The following ZFHX3 variants were observed in gnomAD, a reference collection of about 807,000 sequenced individuals.
ZFHX3 encodes the protein zinc finger homeobox 3.
In ZFHX3, 42 loss-of-function variants were observed where a neutral mutation model predicts 279.1. The observed-to-expected ratio is 0.15, with a 90% confidence interval of 0.12 to 0.19. The LOEUF (loss-of-function observed/expected upper bound fraction) is 0.19. Among genes scored for constraint, ZFHX3 ranks in the 10% least tolerant of loss-of-function variants. The pLI is 1.00. For synonymous variants in ZFHX3, 2,293 were observed against 1,957.8 expected (o/e 1.17, Z -4.52); for missense variants, 4,981 against 4,754.0 (o/e 1.05, Z -1.40).
intron 1 of ZFHX3, among the ~76,000 whole-genome samples, chr16:73,791,485 C>G (rs139529902): frequency 2.2e-3 from 340 of 152,206 alleles, no homozygotes; most frequent in African/African-American, 7.8e-3. Context: ...AGTGCAGCGG[C>G]GCCATCTTGG....
At chr16:73,475,491 A>T (rs1298865568) in intron 2 of ZFHX3, among the ~76,000 whole-genome samples, 1 of 152,124 alleles carries the variant, frequency 6.6e-6, no homozygotes, top group Non-Finnish European at 1.5e-5. Context: ...TGCCTAAAGG[A>T]TGTATATTTT....
At chr16:73,089,302 C>A (rs1308097493) in intron 8 of ZFHX3, among the ~76,000 whole-genome samples, 1 of 152,140 alleles carries the variant, frequency 6.6e-6, no homozygotes, top group African/African-American at 2.4e-5. Context: ...CGAGGTTTCA[C>A]TCTGTTGGCC....
At position 73,747,631 on chromosome 16, in the gene ZFHX3, T is replaced by C. The variant is rs1349394733; in HGVS notation, c.-1607-67391A>G. Among the ~76,000 whole-genome samples, 93 of 152,120 alleles carry C rather than the reference T, an allele frequency of 6.1e-4. 1 individual carries two copies. Among genetic ancestry groups the C allele is most frequent in the Non-Finnish European group, 1.3e-4 (9 of 68,012 alleles). Reference sequence around the variant, plus strand: ...TCTATGTTGATTAGTCCCAAAAACATTTCCTGAGAGACATCTCCCTCAGAT... The same window carrying C: ...TCTATGTTGATTAGTCCCAAAAACACTTCCTGAGAGACATCTCCCTCAGAT... On this transcript the variant is annotated intron_variant, in intron 1 of 17. Coordinates refer to the ZFHX3 transcript ENST00000641206.
chr16:73,309,071 T>C (rs2015262350), intron 4 of ZFHX3, among the ~76,000 whole-genome samples: 1 of 152,142 alleles, frequency 6.6e-6, no homozygotes, highest in Non-Finnish European at 1.5e-5. Context: ...CTATTTTTTA[T>C]TATGATTTTT....
At chr16:73,004,496 T>A (rs1963633543) in intron 1 of ZFHX3, among the ~76,000 whole-genome samples, 1 of 151,700 alleles carries the variant, frequency 6.6e-6, no homozygotes, top group African/African-American at 2.4e-5. Context: ...GCCCAGCTAG[T>A]AGAGATGGGG....
chr16:73,834,357 G>C (rs1272891489), intron 1 of ZFHX3, among the ~76,000 whole-genome samples: 1 of 152,188 alleles, frequency 6.6e-6, no homozygotes, highest in Non-Finnish European at 1.5e-5. Flanking sequence ...GTAGGATGTA[G>C]AGTAAACTGT....
intron 2 of ZFHX3, among the ~76,000 whole-genome samples, chr16:73,597,914 G>A (rs139710205): frequency 6.6e-6 from 1 of 152,210 alleles, no homozygotes; most frequent in Admixed American, 6.5e-5. Context: ...AGTAACTGCT[G>A]TATGAAAAAA....
At chr16:73,762,422 T>C (rs1567401641) in intron 1 of ZFHX3, among the ~76,000 whole-genome samples, 1 of 152,210 alleles carries the variant, frequency 6.6e-6, no homozygotes, top group Non-Finnish European at 1.5e-5. Context: ...AGTGTGGCGA[T>C]TCCTTAAAGA....
intron 7 of ZFHX3, among the ~76,000 whole-genome samples, chr16:73,104,767 A>T (rs1052993874): frequency 2.0e-5 from 3 of 152,124 alleles, no homozygotes; most frequent in African/African-American, 4.8e-5. Context: ...AACTTTTAAC[A>T]TGTGGCTGAA....
intron 1 of ZFHX3, among the ~76,000 whole-genome samples, chr16:72,998,021 G>A (rs529729691): frequency 2.6e-5 from 4 of 152,170 alleles, no homozygotes; most frequent in Non-Finnish European, 4.4e-5. Context: ...GGTGGAGGCT[G>A]CAGTGAGCCA....
In ZFHX3 at chr16:72,950,614, G is replaced by A; in HGVS notation, c.3071C>T (p.Ala1024Val). The change falls in exon 3 of 10, where the codon GCC (alanine) becomes GTC (valine). Residue 1024 changes from alanine to valine, a missense_variant. By Grantham distance (64) the Ala-to-Val change is moderately conservative. Transcript: ENST00000268489. ...CACACACTTGAGCCTCCACTCGTTG[G>A]CCTTGCCGCCCTCCTTGATGTGGGC... is the stretch of plus-strand genomic sequence containing the variant. ...LVAHIKEGGKANEWRLKCVAI... is the reference protein window; with the variant it reads ...LVAHIKEGGKVNEWRLKCVAI... 1 of 1,614,200 alleles carries A rather than the reference G, an allele frequency of 6.2e-7. No homozygotes were observed. Among genetic ancestry groups the A allele is most frequent in the Non-Finnish European group, 8.5e-7 (1 of 1,180,044 alleles).
intron 4 of ZFHX3, among the ~76,000 whole-genome samples, chr16:72,861,332 G>A (rs1471754199): frequency 3.3e-5 from 5 of 152,202 alleles, no homozygotes; most frequent in African/African-American, 1.2e-4. Context: ...AATGCAATGT[G>A]AACCCAACCC....
At chr16:73,288,334 T>A (rs1002151199) in intron 4 of ZFHX3, among the ~76,000 whole-genome samples, 2 of 152,102 alleles carry the variant, frequency 1.3e-5, no homozygotes, top group African/African-American at 4.8e-5. Flanking sequence ...CATCCCTCCA[T>A]GTGGTTCTGT....
intron 2 of ZFHX3, among the ~76,000 whole-genome samples, chr16:73,633,588 T>C (rs370153544): frequency 2.6e-5 from 4 of 152,314 alleles, no homozygotes; most frequent in East Asian, 3.9e-4. Flanking sequence ...ATTCTCTGGC[T>C]TTTCTCTATA....
chr16:73,568,339 G>T (rs2020478752), intron 2 of ZFHX3, among the ~76,000 whole-genome samples: 1 of 149,912 alleles, frequency 6.7e-6, no homozygotes. Context: ...TGTCTTTGTG[G>T]GCATTTCCGT....
At chr16:73,714,385 G>C (rs1451829582) in intron 1 of ZFHX3, among the ~76,000 whole-genome samples, 2 of 152,138 alleles carry the variant, frequency 1.3e-5, no homozygotes, top group African/African-American at 4.8e-5. Context: ...TCCCAAGCAC[G>C]GGTTAGGGGA....
chr16:73,706,729 A>G (rs111983542), intron 1 of ZFHX3, among the ~76,000 whole-genome samples: 3,383 of 152,138 alleles, frequency 0.022, 132 homozygotes, highest in African/African-American at 0.078. Flanking sequence ...TCTTTATGAG[A>G]AACATAGTTC....
chr16:73,225,738 C>T (rs1036252838), intron 5 of ZFHX3, among the ~76,000 whole-genome samples: 3 of 152,224 alleles, frequency 2.0e-5, no homozygotes, highest in African/African-American at 4.8e-5. Context: ...CTGTGTTCTG[C>T]ATAGTATCAT....
intron 5 of ZFHX3, among the ~76,000 whole-genome samples, chr16:73,222,916 C>T (rs7498310): frequency 0.3 from 45,756 of 151,864 alleles, 7,192 homozygotes; most frequent in Admixed American, 0.38. Context: ...AATATACCTG[C>T]ATAAAAAGTC....
Sources: allele counts gnomAD v4.1 joint callset (sites outside exome capture counted in the v4.1 genomes callset), GRCh38; gene constraint gnomAD v4.1.1; transcripts MANE v1.5; gene names NCBI Gene and HGNC (gene_info 2026-07-23, HGNC 2026-07-21).